SH3PXD2B: variants seen among roughly 807,000 people sequenced by gnomAD.
SH3PXD2B encodes SH3 and PX domain-containing protein 2B.
Under a neutral mutation model 73.1 loss-of-function variants are expected in SH3PXD2B, and 37 were observed. The observed-to-expected ratio is 0.51, with a 90% CI of 0.39 to 0.67. The LOEUF (loss-of-function observed/expected upper bound fraction) is 0.67. Ranked by LOEUF, SH3PXD2B falls within the 30% of genes least tolerant of loss-of-function variation. The pLI, the probability that SH3PXD2B is intolerant of heterozygous loss-of-function variation, is 0.00. For synonymous variants in SH3PXD2B, 457 were observed against 480.5 expected, an observed-to-expected ratio of 0.95 and a Z score of 0.64; for missense variants, 1,053 against 1,197.8, an observed-to-expected ratio of 0.88 and a Z score of 1.78.
In SH3PXD2B at chr5:172,338,738, C is replaced by A; in HGVS notation, c.2367G>T (p.Arg789Ser). The change falls in exon 13 of 13, where the codon AGG becomes AGT. Residue 789 changes from arginine to serine, a missense_variant. Physicochemically the swap from Arg to Ser is moderately radical, Grantham distance 110. Coordinates refer to ENST00000311601, the MANE Select transcript of SH3PXD2B (RefSeq NM_001017995.3). This position sits in a 1 kb window ranked among gnomAD's most constrained non-coding sequence, Gnocchi z 5.1. ...RGPQCEGHES[R>S]AAPTPGRALL... ...GAGCACGGCCTGGGGTGGGAGCTGC[C>A]CTGCTTTCGTGGCCTTCACACTGTG... 1 of 1,614,212 alleles carries A rather than the reference C, an allele frequency of 6.2e-7. No homozygotes were observed. The highest frequency in any genetic ancestry group is 1.1e-5 in the South Asian group (1 of 91,084).
rs1485013531 is a variant in SH3PXD2B, at chr5:172,353,730, A to G, written c.785+158T>C. ...GGATATGGGTAGGGAGGGAGGCCAC[A>G]CAACACAGAGGAGAAGTATCCTTTT... is the stretch of plus-strand genomic sequence containing the variant. On this transcript the variant is annotated intron_variant, in intron 9 of 12. Transcript: ENST00000311601. The surrounding 1 kb of genome is among the most constrained non-coding windows in gnomAD (Gnocchi z 4.3). Among the ~76,000 whole-genome samples, 1 of 152,152 alleles carries G rather than the reference A, an allele frequency of 6.6e-6. No individual in the cohort carries two copies. The highest frequency in any genetic ancestry group is 6.5e-5 in the Admixed American group (1 of 15,278).
intron 6 of SH3PXD2B, among the ~76,000 whole-genome samples, chr5:172,364,592 G>A (rs1220127936): frequency 6.6e-6 from 1 of 152,172 alleles, no homozygotes; most frequent in East Asian, 1.9e-4. Flanking sequence ...TTGAACCCGG[G>A]AGGCAGAGGT....
chr5:172,333,095 C>T (rs1374589683), downstream of SH3PXD2B, among the ~76,000 whole-genome samples: 2 of 29,628 alleles, frequency 6.8e-5, no homozygotes, highest in African/African-American at 2.9e-4. Context: ...GACACCACGC[C>T]CGGCGAATTT....
Position 172,336,517 on chromosome 5 carries a change from G to A in SH3PXD2B, c.*1852C>T, listed in dbSNP as rs537833362. On this transcript the variant is annotated 3_prime_UTR_variant, in exon 13 of 13. Coordinates refer to ENST00000311601, the MANE Select transcript of SH3PXD2B (RefSeq NM_001017995.3). ...AGAGGAAGCTCCTCACGCAGAAGCA[G>A]CCAGCACCCACGTGATAGGGGGTGG... 5.3e-6 allele frequency: 5 copies of A among 950,354 alleles called. No homozygotes were observed. The East Asian group carries it at 6.7e-4, about 127-fold the overall frequency. 58.9% of individuals were successfully genotyped at this position (950,354 alleles called of 1,614,324 possible).
intron 1 of SH3PXD2B, among the ~76,000 whole-genome samples, chr5:172,439,658 A>C (rs1759496035): frequency 6.9e-6 from 1 of 145,004 alleles, no homozygotes; most frequent in Non-Finnish European, 1.5e-5. Flanking sequence ...TGTAAAAACC[A>C]GGTATGTGTG....
Position 172,335,472 on chromosome 5 carries a change from G to C in SH3PXD2B, c.*2897C>G. On this transcript the variant is annotated 3_prime_UTR_variant, in exon 13 of 13. Coordinates refer to ENST00000311601, the MANE Select transcript of SH3PXD2B (RefSeq NM_001017995.3). Reference sequence around the variant, plus strand: ...ACCCAAACTCGAGATCTCAGTCCCAGCTTGGCCACTATTTGGACCTTCTCC... The same window carrying C: ...ACCCAAACTCGAGATCTCAGTCCCACCTTGGCCACTATTTGGACCTTCTCC... 1.6e-6 allele frequency: 2 copies of C among 1,230,996 alleles called. No homozygotes were observed. The highest frequency in any genetic ancestry group is 1.5e-5 in the African/African-American group (1 of 64,520). 76.3% of individuals were successfully genotyped at this position (1,230,996 alleles called of 1,614,324 possible). A position where few individuals can be genotyped will look rare whatever the true frequency, so the allele number is the denominator to read the frequency against.
At chr5:172,374,200 G>A (rs968366461) in intron 5 of SH3PXD2B, among the ~76,000 whole-genome samples, 2 of 152,190 alleles carry the variant, frequency 1.3e-5, no homozygotes, top group Non-Finnish European at 1.5e-5. Context: ...CTAAGCCATA[G>A]ACATGGGGCA....
chr5:172,403,307 G>T (rs763978296), intron 3 of SH3PXD2B, among the ~76,000 whole-genome samples: 1 of 152,172 alleles, frequency 6.6e-6, no homozygotes, highest in African/African-American at 2.4e-5. Context: ...CCCCTCCCCC[G>T]CCTTTGTGCT....
At chr5:172,341,269 T>C (rs1438418013) in intron 12 of SH3PXD2B, among the ~76,000 whole-genome samples, 2 of 152,144 alleles carry the variant, frequency 1.3e-5, no homozygotes, top group Non-Finnish European at 2.9e-5. Context: ...AAATGGATCA[T>C]TAAGGTGGGC....
chr5:172,348,654 C>CTATCTATCCTATCTAT (rs1440672001), intron 10 of SH3PXD2B, among the ~76,000 whole-genome samples: 4 of 60,448 alleles, frequency 6.6e-5, no homozygotes, highest in Admixed American at 3.1e-4. Flanking sequence ...ATCTATCTAT[C>CTATCTATCCTATCTAT]CTATCTATCT....
chr5:172,390,938 T>C (rs1378649216), intron 4 of SH3PXD2B, among the ~76,000 whole-genome samples: 2 of 150,226 alleles, frequency 1.3e-5, no homozygotes, highest in African/African-American at 2.4e-5. Context: ...ACTTCCCGGG[T>C]TCAAGCGATT....
chr5:172,448,324 A>T (rs1436122977), intron 1 of SH3PXD2B, among the ~76,000 whole-genome samples: 6 of 152,224 alleles, frequency 3.9e-5, no homozygotes, highest in African/African-American at 1.4e-4. Context: ...CATCAATAGT[A>T]CTTTTCATGA....
rs141628676 is a variant in SH3PXD2B, at chr5:172,449,933, T to C, written c.75+4345A>G. Among the ~76,000 whole-genome samples, 252 of 152,332 alleles carry C rather than the reference T, an allele frequency of 1.7e-3. 2 individuals carry two copies. Among genetic ancestry groups the C allele is most frequent in the Middle Eastern group, 3.4e-3 (1 of 294 alleles). ...AGCGACAGTTAAAACGAACTGGAGCTAGCTGGATCGACATAGATCTCAAAA... is the reference window on the plus strand; with the variant it reads ...AGCGACAGTTAAAACGAACTGGAGCCAGCTGGATCGACATAGATCTCAAAA... On this transcript the variant is annotated intron_variant, in intron 1 of 12. Transcript: ENST00000311601.
At chr5:172,342,376 C>T (rs1349814829) in intron 12 of SH3PXD2B, among the ~76,000 whole-genome samples, 2 of 152,170 alleles carry the variant, frequency 1.3e-5, no homozygotes, top group Admixed American at 6.5e-5. Flanking sequence ...AGCTGAGGAA[C>T]ACACAGCGGG....
chr5:172,335,900 G>C lies in SH3PXD2B; in HGVS notation c.*2469C>G. On this transcript the variant is annotated 3_prime_UTR_variant, in exon 13 of 13. Coordinates refer to ENST00000311601, the MANE Select transcript of SH3PXD2B (RefSeq NM_001017995.3). ...AGAGAGGACTGTGGCTTCAGTACCC[G>C]CGGGTCATGTCAGAATAATCATCAT... 1 of 1,210,866 alleles carries C rather than the reference G, an allele frequency of 8.3e-7. No individual in the cohort carries two copies. 75.0% of individuals were successfully genotyped at this position (1,210,866 alleles called of 1,614,324 possible).
At chr5:172,405,198 G>A (rs1373862135) in intron 3 of SH3PXD2B, among the ~76,000 whole-genome samples, 2 of 152,246 alleles carry the variant, frequency 1.3e-5, no homozygotes, top group African/African-American at 2.4e-5. Flanking sequence ...TGCATTAAAC[G>A]CTGCACAGCA....
In SH3PXD2B at chr5:172,335,166, C is replaced by T. The variant is rs1458347263; in HGVS notation, c.*3203G>A. On this transcript the variant is annotated 3_prime_UTR_variant, in exon 13 of 13. Coordinates refer to ENST00000311601, the MANE Select transcript of SH3PXD2B (RefSeq NM_001017995.3). Reference sequence around the variant, plus strand: ...GGGTTTTCCAAATTTTTGGAGGTACCGCAAGCTGTCCGTTTGCCCTGGGAT... The same window carrying T: ...GGGTTTTCCAAATTTTTGGAGGTACTGCAAGCTGTCCGTTTGCCCTGGGAT... 10 of 991,188 alleles carry T rather than the reference C, an allele frequency of 1.0e-5. No individual in the cohort carries two copies. The highest frequency in any genetic ancestry group is 1.1e-4 in the East Asian group (1 of 9,182). The allele number at this position is 991,188 out of a possible 1,614,324, so 61.4% of individuals were successfully genotyped here. A position where few individuals can be genotyped will look rare whatever the true frequency, so the allele number is the denominator to read the frequency against.
chr5:172,326,185 C>T (rs1756444376), intron 12 of SH3PXD2B, among the ~76,000 whole-genome samples: 1 of 152,190 alleles, frequency 6.6e-6, no homozygotes, highest in African/African-American at 2.4e-5. Context: ...GGTTACTCCG[C>T]TGAGGATAGT....
chr5:172,335,109 G>T lies in SH3PXD2B; in HGVS notation c.*3260C>A, dbSNP rs983324239. 8.1e-6 allele frequency: 8 copies of T among 985,938 alleles called. No individual in the cohort carries two copies. The highest frequency in any genetic ancestry group is 7.0e-5 in the African/African-American group (4 of 57,262). The allele number at this position is 985,938 out of a possible 1,614,324, so 61.1% of individuals were successfully genotyped here. A position where few individuals can be genotyped will look rare whatever the true frequency, so the allele number is the denominator to read the frequency against. On this transcript the variant is annotated 3_prime_UTR_variant, in exon 13 of 13. Transcript: ENST00000311601. ...TTCCGAGCAGAACATGTGAGCAAAG[G>T]CCTCTTTTATCAAGAGGTGGTCTTA... is the stretch of plus-strand genomic sequence containing the variant.
Sources: gnomAD v4.1 joint callset for allele counts (sites outside exome capture counted in the v4.1 genomes callset) on GRCh38, gnomAD v4.1.1 for gene constraint, Gnocchi (gnomAD v3.1) non-coding constraint, MANE v1.5 for transcripts, NCBI Gene and HGNC (gene_info 2026-07-23, HGNC 2026-07-21) for gene names.